The following TSPAN5 variants were observed in gnomAD, a reference collection of about 807,000 sequenced individuals.
TSPAN5 encodes tetraspanin 5.
TSPAN5 carries 10 observed loss-of-function variants against 37.1 expected under a neutral mutation model. The observed-to-expected ratio is 0.27, with a 90% CI of 0.17 to 0.46. TSPAN5 has a LOEUF of 0.46. TSPAN5 is among the 20% of genes least tolerant of loss of function. The pLI is 1.00. For missense variants in TSPAN5, 195 were observed against 326.6 expected (o/e 0.60, Z 3.11); for synonymous variants, 110 against 118.9 (o/e 0.93, Z 0.48).
At chr4:98,537,037 G>A (rs1232748022) in intron 1 of TSPAN5, among the ~76,000 whole-genome samples, 1 of 152,176 alleles carries the variant, frequency 6.6e-6, no homozygotes, top group Non-Finnish European at 1.5e-5. Flanking sequence ...AGGTGCTACT[G>A]GGGTATGGAA....
At chr4:98,486,345 CT>C (rs1456874345) in intron 3 of TSPAN5, among the ~76,000 whole-genome samples, 2 of 152,224 alleles carry the variant, frequency 1.3e-5, no homozygotes, top group Non-Finnish European at 2.9e-5. Flanking sequence ...AGTCACTGTG[CT>C]TTTGCCTGGT....
chr4:98,656,730 AC>A (rs1757302135), intron 1 of TSPAN5, among the ~76,000 whole-genome samples: 1 of 152,184 alleles, frequency 6.6e-6, no homozygotes, highest in Non-Finnish European at 1.5e-5. Flanking sequence ...ACATGCTGAC[AC>A]GGAAAGTGGT....
At chr4:98,497,503 C>T (rs1753240646) in intron 2 of TSPAN5, among the ~76,000 whole-genome samples, 1 of 152,088 alleles carries the variant, frequency 6.6e-6, no homozygotes, top group Admixed American at 6.6e-5. Flanking sequence ...TTATTTAAGC[C>T]ACCCAGTCTA....
intron 2 of TSPAN5, among the ~76,000 whole-genome samples, chr4:98,492,463 C>T (rs915990477): frequency 6.6e-6 from 1 of 152,180 alleles, no homozygotes; most frequent in Non-Finnish European, 1.5e-5. Context: ...ATTGCTTATG[C>T]TGGTTCTCTT....
intron 1 of TSPAN5, among the ~76,000 whole-genome samples, chr4:98,615,053 G>A (rs568709240): frequency 6.6e-6 from 1 of 152,328 alleles, no homozygotes; most frequent in African/African-American, 2.4e-5. Flanking sequence ...GAAATTTCAA[G>A]GAGGAAAGAG....
chr4:98,478,875 C>A, intron 4 of TSPAN5, 65 bp from the exon 5 acceptor site: 3 of 1,586,584 alleles, frequency 1.9e-6, no homozygotes, highest in South Asian at 1.1e-5. Flanking sequence ...TACACTCACA[C>A]CCGCCGAACG....
At chr4:98,526,343 T>C (rs1044182750) in intron 1 of TSPAN5, among the ~76,000 whole-genome samples, 4 of 152,154 alleles carry the variant, frequency 2.6e-5, no homozygotes, top group African/African-American at 9.7e-5. Flanking sequence ...AACTAGATAG[T>C]AGTCATGGCG....
intron 1 of TSPAN5, among the ~76,000 whole-genome samples, chr4:98,590,815 C>A (rs1267142481): frequency 6.6e-6 from 1 of 152,118 alleles, no homozygotes; most frequent in African/African-American, 2.4e-5. Context: ...CAAGACTAGT[C>A]TATTATCAGC....
intron 1 of TSPAN5, among the ~76,000 whole-genome samples, chr4:98,588,962 C>T (rs7666172): frequency 0.035 from 5,295 of 152,168 alleles, 304 homozygotes; most frequent in African/African-American, 0.12. Flanking sequence ...AGAAATTAAG[C>T]TATGATTACT....
In TSPAN5 at chr4:98,476,456, T is replaced by C; in HGVS notation, c.581A>G (p.Asp194Gly). The change falls in exon 6 of 8, where the codon GAT (aspartate) becomes GGT (glycine). Residue 194 changes from aspartate to glycine, a missense_variant. Coordinates refer to ENST00000305798, the MANE Select transcript of TSPAN5 (RefSeq NM_005723.4). ...FSCCTKDPAE[D>G]VINTQCGYDA... ...ATAGCCACACTGAGTGTTGATGACATCTTCCTGGTGAAGAAAGGAAAGAGA... is the reference window on the plus strand; with the variant it reads ...ATAGCCACACTGAGTGTTGATGACACCTTCCTGGTGAAGAAAGGAAAGAGA... 1 of 1,614,194 alleles carries C rather than the reference T, an allele frequency of 6.2e-7. No individual in the cohort carries two copies.
intron 1 of TSPAN5, among the ~76,000 whole-genome samples, chr4:98,654,511 A>AT (rs1211348795): frequency 1.3e-5 from 2 of 152,194 alleles, no homozygotes; most frequent in Non-Finnish European, 2.9e-5. Flanking sequence ...TTTCTGAGAA[A>AT]TGTCCCAGTA....
At chr4:98,555,619 A>C (rs1754724323) in intron 1 of TSPAN5, among the ~76,000 whole-genome samples, 1 of 152,210 alleles carries the variant, frequency 6.6e-6, no homozygotes, top group Non-Finnish European at 1.5e-5. Context: ...TGAATACAGA[A>C]GGTATTAAAA....
chr4:98,581,611 G>A (rs748274867), intron 1 of TSPAN5, among the ~76,000 whole-genome samples: 3 of 152,004 alleles, frequency 2.0e-5, no homozygotes, highest in South Asian at 2.1e-4. Flanking sequence ...AATCCAAAAC[G>A]GATTAACTTT....
intron 1 of TSPAN5, among the ~76,000 whole-genome samples, chr4:98,522,215 A>G (rs536021318): frequency 1.3e-5 from 2 of 152,224 alleles, no homozygotes; most frequent in Non-Finnish European, 2.9e-5. Context: ...AACTATACTC[A>G]GAGTACACTG....
intron 2 of TSPAN5, among the ~76,000 whole-genome samples, chr4:98,490,498 G>A (rs1446396726): frequency 6.6e-6 from 1 of 152,160 alleles, no homozygotes; most frequent in Non-Finnish European, 1.5e-5. Context: ...GGGGGGCTGA[G>A]CTGGACTGCA....
chr4:98,498,010 G>A (rs1157915542), intron 2 of TSPAN5, among the ~76,000 whole-genome samples: 2 of 152,200 alleles, frequency 1.3e-5, no homozygotes, highest in African/African-American at 2.4e-5. Context: ...TTAGAAGCCC[G>A]CTCAGGTGGC....
intron 3 of TSPAN5, among the ~76,000 whole-genome samples, chr4:98,486,239 C>A (rs1194223860): frequency 6.6e-6 from 1 of 152,300 alleles, no homozygotes; most frequent in Admixed American, 6.5e-5. Flanking sequence ...CAAAGGAGAA[C>A]TTTGTACCAG....
At chr4:98,550,492 G>A (rs1295119151) in intron 1 of TSPAN5, among the ~76,000 whole-genome samples, 1 of 151,894 alleles carries the variant, frequency 6.6e-6, no homozygotes, top group Non-Finnish European at 1.5e-5. Context: ...TTTTAACAAT[G>A]TTGATTCTTC....
intron 1 of TSPAN5, among the ~76,000 whole-genome samples, chr4:98,549,088 A>G (rs1289817078): frequency 6.6e-6 from 1 of 152,188 alleles, no homozygotes; most frequent in Non-Finnish European, 1.5e-5. Flanking sequence ...TGCTAGATCC[A>G]ACGGTAGTTC....
Sources: allele counts gnomAD v4.1 joint callset (sites outside exome capture counted in the v4.1 genomes callset), GRCh38; gene constraint gnomAD v4.1.1; transcripts MANE v1.5; gene names NCBI Gene and HGNC (gene_info 2026-07-23, HGNC 2026-07-21).